COQ10B: variants seen among roughly 807,000 people sequenced by gnomAD.
COQ10B encodes coenzyme Q10B, also known as coenzyme Q-binding protein COQ10 homolog B, mitochondrial.
Under a neutral mutation model 27.6 loss-of-function variants are expected in COQ10B, and 12 were observed. The observed-to-expected ratio is 0.43, with a 90% confidence interval of 0.28 to 0.70. The LOEUF (loss-of-function observed/expected upper bound fraction) is 0.70. Among genes scored for constraint, COQ10B ranks in the 30% least tolerant of loss-of-function variants. The pLI is 0.17. For missense variants in COQ10B, 278 were observed against 288.7 expected, an observed-to-expected ratio of 0.96 and a Z score of 0.27; for synonymous variants, 115 against 103.0, an observed-to-expected ratio of 1.12 and a Z score of -0.71.
At chr2:197,457,872 T>G (rs1189899447) in intron 1 of COQ10B, among the ~76,000 whole-genome samples, 3 of 152,238 alleles carry the variant, frequency 2.0e-5, no homozygotes, top group Non-Finnish European at 4.4e-5. Context: ...TCCGCCTACC[T>G]CAGCCTCCCA....
At chr2:197,459,833 A>G (rs760845886) in intron 1 of COQ10B, 99 bp from the exon 2 acceptor site, 1 of 800,412 alleles carries the variant, frequency 1.2e-6, no homozygotes, top group Non-Finnish European at 1.8e-6. Flanking sequence ...TGAAGTTGCA[A>G]AGCCTTACAA....
chr2:197,471,289 T>C (rs1036625985), intron 4 of COQ10B, among the ~76,000 whole-genome samples: 17 of 152,052 alleles, frequency 1.1e-4, no homozygotes, highest in Non-Finnish European at 2.4e-4. Flanking sequence ...ACTACAGGAA[T>C]GCACCACCAC....
At chr2:197,458,200 A>G (rs894223224) in intron 1 of COQ10B, among the ~76,000 whole-genome samples, 26 of 151,280 alleles carry the variant, frequency 1.7e-4, no homozygotes, top group Non-Finnish European at 1.0e-4. Flanking sequence ...ATTTACATAT[A>G]TATGTATGTA....
chr2:197,461,748 C>T (rs2085761219), intron 2 of COQ10B, among the ~76,000 whole-genome samples: 1 of 151,940 alleles, frequency 6.6e-6, no homozygotes, highest in Admixed American at 6.6e-5. Flanking sequence ...TCAAGCAAAT[C>T]TCATGTCTCA....
chr2:197,466,449 A>G (rs1283901863), intron 3 of COQ10B, among the ~76,000 whole-genome samples: 2 of 152,028 alleles, frequency 1.3e-5, no homozygotes, highest in Admixed American at 6.6e-5. Flanking sequence ...TCTGTAATAT[A>G]TTTCTTCAAC....
chr2:197,471,170 C>T (rs191475735), intron 4 of COQ10B, among the ~76,000 whole-genome samples: 131 of 151,924 alleles, frequency 8.6e-4, no homozygotes, highest in East Asian at 4.8e-3. Flanking sequence ...TGAGATGGGG[C>T]GCTACTTTGT....
chr2:197,464,974 C>T (rs1036132842), intron 3 of COQ10B, among the ~76,000 whole-genome samples: 8 of 151,876 alleles, frequency 5.3e-5, no homozygotes, highest in Non-Finnish European at 1.0e-4. Context: ...CAAGCTCCGC[C>T]TCCTGGGTTC....
At chr2:197,467,096 G>T (rs2085832308) in intron 3 of COQ10B, among the ~76,000 whole-genome samples, 1 of 151,536 alleles carries the variant, frequency 6.6e-6, no homozygotes, top group Admixed American at 6.6e-5. Flanking sequence ...ATAGGCACGT[G>T]CCACCACACT....
chr2:197,461,807 A>C (rs1171992886), intron 2 of COQ10B, among the ~76,000 whole-genome samples: 1 of 151,950 alleles, frequency 6.6e-6, no homozygotes, highest in East Asian at 2.0e-4. Context: ...CACCTGGCTA[A>C]TTTTTGTATT....
chr2:197,474,082 C>T lies in COQ10B; in HGVS notation c.*158C>T. The T allele has an allele frequency of 2.3e-6, 1 of 426,152 alleles. No homozygotes were observed. The highest frequency in any genetic ancestry group is 9.1e-5 in the South Asian group (1 of 11,006). The allele number at this position is 426,152 out of a possible 1,614,324, so 26.4% of individuals were successfully genotyped here. A position where few individuals can be genotyped will look rare whatever the true frequency, so the allele number is the denominator to read the frequency against. ...AAAATTTGCACATAGAATATAGACT[C>T]ACTTGTACATAGAATTATTTCTTCA... On this transcript the variant is annotated 3_prime_UTR_variant, in exon 5 of 5. Transcript: ENST00000263960.
chr2:197,453,999 T>C, intron 1 of COQ10B: 1 of 1,551,108 alleles, frequency 6.4e-7, no homozygotes, highest in Non-Finnish European at 8.7e-7. Context: ...AGTTTTAACT[T>C]TGCGCAGAAG....
intron 1 of COQ10B, 26 bp downstream of exon 1, chr2:197,453,690 C>G (rs1054739922): frequency 6.3e-7 from 1 of 1,586,978 alleles, no homozygotes; most frequent in Non-Finnish European, 8.7e-7. Context: ...GGCGCTGAGA[C>G]GAGAGTAGTT....
At chr2:197,456,154 C>T (rs1287285844) in intron 1 of COQ10B, among the ~76,000 whole-genome samples, 1 of 152,024 alleles carries the variant, frequency 6.6e-6, no homozygotes, top group Non-Finnish European at 1.5e-5. Flanking sequence ...AGTCCTCTCT[C>T]ATATGTGGAA....
At chr2:197,456,109 T>C (rs1411864857) in intron 1 of COQ10B, among the ~76,000 whole-genome samples, 1 of 152,112 alleles carries the variant, frequency 6.6e-6, no homozygotes, top group Admixed American at 6.6e-5. Flanking sequence ...TTATGTTAAA[T>C]GAAATAAGCC....
At chr2:197,472,920 C>A (rs573359649) in intron 4 of COQ10B, among the ~76,000 whole-genome samples, 11 of 152,230 alleles carry the variant, frequency 7.2e-5, no homozygotes, top group Admixed American at 3.3e-4. Context: ...CTCAGTGATA[C>A]CTATGAGAAG....
intron 1 of COQ10B, among the ~76,000 whole-genome samples, chr2:197,455,863 G>T (rs939280779): frequency 1.3e-5 from 2 of 152,154 alleles, no homozygotes; most frequent in African/African-American, 4.8e-5. Context: ...GGGACTTGGG[G>T]TGGGAGAATC....
intron 1 of COQ10B, chr2:197,454,197 A>G: frequency 7.0e-7 from 1 of 1,428,028 alleles, no homozygotes; most frequent in Non-Finnish European, 9.5e-7. Context: ...ACTCTGCTGT[A>G]ACTTACAGGT....
intron 1 of COQ10B, among the ~76,000 whole-genome samples, chr2:197,456,141 A>G (rs1179382547): frequency 2.0e-5 from 3 of 152,108 alleles, no homozygotes; most frequent in African/African-American, 7.2e-5. Context: ...GTTACACATG[A>G]CGAGTCCTCT....
At chr2:197,462,103 A>G (rs1380490572) in intron 2 of COQ10B, among the ~76,000 whole-genome samples, 1 of 151,886 alleles carries the variant, frequency 6.6e-6, no homozygotes, top group African/African-American at 2.4e-5. Flanking sequence ...CCCCATCTCT[A>G]TTAAAAGTAC....
Sources: gnomAD v4.1 joint callset for allele counts (sites outside exome capture counted in the v4.1 genomes callset) on GRCh38, gnomAD v4.1.1 for gene constraint, MANE v1.5 for transcripts, NCBI Gene and HGNC (gene_info 2026-07-23, HGNC 2026-07-21) for gene names.